The following PRDM16 variants were observed in gnomAD, a reference collection of about 807,000 sequenced individuals.
PRDM16 encodes PR/SET domain 16.
PRDM16 carries 23 observed loss-of-function variants against 110.6 expected under a neutral mutation model. That is an observed-to-expected ratio of 0.21 (90% CI 0.15 to 0.29). The LOEUF is 0.29. Ranked by LOEUF, PRDM16 falls within the 10% of genes least tolerant of loss-of-function variation. The probability of loss-of-function intolerance (pLI) is 1.00; values close to 1 mark genes in which losing one functional copy is unlikely to be tolerated. For synonymous variants in PRDM16, 799 were observed against 781.8 expected, an observed-to-expected ratio of 1.02 and a Z score of -0.37; for missense variants, 1,615 against 1,794.3, an observed-to-expected ratio of 0.90 and a Z score of 1.81.
chr1:3,362,563 A>T (rs1425619744), intron 3 of PRDM16, among the ~76,000 whole-genome samples: 1 of 152,152 alleles, frequency 6.6e-6, no homozygotes, highest in Non-Finnish European at 1.5e-5. Context: ...AACCAGTGGA[A>T]GACGGAGAAG....
intron 2 of PRDM16, among the ~76,000 whole-genome samples, chr1:3,227,892 A>G (rs1201814051): frequency 6.6e-6 from 1 of 151,902 alleles, no homozygotes; most frequent in Non-Finnish European, 1.5e-5. Context: ...CTCTTTTTCC[A>G]TCACGACAAG....
intron 3 of PRDM16, among the ~76,000 whole-genome samples, chr1:3,365,317 G>A (rs958183479): frequency 6.6e-6 from 1 of 152,204 alleles, no homozygotes; most frequent in Non-Finnish European, 1.5e-5. Flanking sequence ...ACGTGTGCCA[G>A]ATCTGGTTCC....
At chr1:3,345,726 CCG>C (rs1472318933) in intron 3 of PRDM16, among the ~76,000 whole-genome samples, 2 of 151,480 alleles carry the variant, frequency 1.3e-5, no homozygotes, top group Non-Finnish European at 2.9e-5. Flanking sequence ...TCGGGTCCTC[CCG>C]TGCTGCCCCC....
chr1:3,352,877 A>T (rs1200727494), intron 3 of PRDM16, among the ~76,000 whole-genome samples: 1 of 147,466 alleles, frequency 6.8e-6, no homozygotes, highest in Non-Finnish European at 1.5e-5. Context: ...TCTCGGTGGC[A>T]GTCAGGCCGC....
intron 3 of PRDM16, among the ~76,000 whole-genome samples, chr1:3,297,116 G>C (rs1641105800): frequency 6.6e-6 from 1 of 152,094 alleles, no homozygotes; most frequent in Non-Finnish European, 1.5e-5. Flanking sequence ...TGGGGTGTAG[G>C]AGCCCTAAGG....
chr1:3,181,656 G>A (rs866511007), intron 1 of PRDM16, among the ~76,000 whole-genome samples: 63 of 117,346 alleles, frequency 5.4e-4, no homozygotes, highest in East Asian at 1.4e-3. Flanking sequence ...TCTTACACAC[G>A]GTCTTACACA....
At position 3,412,619 on chromosome 1, in the gene PRDM16, G is replaced by A. The variant is rs761120771; in HGVS notation, c.2422G>A (p.Gly808Ser). The A allele has an allele frequency of 6.3e-6, 10 of 1,588,758 alleles. No homozygotes were observed. Among genetic ancestry groups the A allele is most frequent in the Admixed American group, 1.7e-5 (1 of 58,254 alleles). ...GGAGCAGCCGCTGGACCTGAGCATCGGCAGCCGGGCCCGTGCCAGCCAAAA... is the reference window on the plus strand; with the variant it reads ...GGAGCAGCCGCTGGACCTGAGCATCAGCAGCCGGGCCCGTGCCAGCCAAAA... ...GEEQPLDLSI[G>S]SRARASQNGG... The change falls in exon 9 of 17, where the codon GGC (glycine) becomes AGC (serine). Residue 808 changes from glycine (G) to serine (S), a missense_variant. Gly to Ser is a moderately conservative substitution (Grantham distance 56). Coordinates refer to ENST00000270722, the MANE Select transcript of PRDM16 (RefSeq NM_022114.4).
chr1:3,082,439 T>A (rs750617410), intron 1 of PRDM16, among the ~76,000 whole-genome samples: 7 of 151,978 alleles, frequency 4.6e-5, no homozygotes, highest in Non-Finnish European at 1.0e-4. Flanking sequence ...AAACCCAGGG[T>A]GAGGGACCTC....
chr1:3,256,075 T>C (rs1640039954), intron 3 of PRDM16, among the ~76,000 whole-genome samples: 1 of 152,202 alleles, frequency 6.6e-6, no homozygotes, highest in Admixed American at 6.5e-5. Flanking sequence ...CACCCCTTGC[T>C]TTTGCTGATG....
chr1:3,419,040 C>T (rs919073062), intron 12 of PRDM16, among the ~76,000 whole-genome samples: 1 of 152,162 alleles, frequency 6.6e-6, no homozygotes, highest in African/African-American at 2.4e-5. Context: ...GCAGGGGATC[C>T]TCATCAGAGC....
Position 3,104,733 on chromosome 1 carries a change from C to A in PRDM16, c.37+35437C>A, listed in dbSNP as rs113832435. Among the ~76,000 whole-genome samples the A allele has an allele frequency of 5.4e-5, 8 of 149,256 alleles. 1 individual carries two copies. Among genetic ancestry groups the A allele is most frequent in the South Asian group, 4.1e-4 (2 of 4,826 alleles). ...AGTGAAGTCTTCCTTGGAGCCCCCACCTCCCCACGTCACCTGGCCCTCGCT... is the reference window on the plus strand; with the variant it reads ...AGTGAAGTCTTCCTTGGAGCCCCCAACTCCCCACGTCACCTGGCCCTCGCT... On this transcript the variant is annotated intron_variant, in intron 1 of 16. Transcript: ENST00000270722.
At chr1:3,423,898 C>G (rs1024384793) in intron 12 of PRDM16, among the ~76,000 whole-genome samples, 4 of 152,262 alleles carry the variant, frequency 2.6e-5, no homozygotes, top group Admixed American at 2.6e-4. Context: ...ATCATATAAA[C>G]AGAATGTTCA....
intron 3 of PRDM16, among the ~76,000 whole-genome samples, chr1:3,373,798 G>T (rs950310876): frequency 6.6e-6 from 1 of 152,238 alleles, no homozygotes; most frequent in African/African-American, 2.4e-5. Flanking sequence ...CCCAGCCAAC[G>T]CGTGCTGCCC....
In PRDM16 at chr1:3,147,308, C is replaced by T. The variant is rs549848806; in HGVS notation, c.38-38817C>T. Among the ~76,000 whole-genome samples, 8 of 151,932 alleles carry T rather than the reference C, an allele frequency of 5.3e-5. No individual in the cohort carries two copies. The East Asian group carries it at 1.6e-3, about 30-fold the overall frequency. ...TTCTGGACTTAGAAGGAAAAGAAAGCCTTGAGGTCTGGGGTGTGTGACGTG... is the reference window on the plus strand; with the variant it reads ...TTCTGGACTTAGAAGGAAAAGAAAGTCTTGAGGTCTGGGGTGTGTGACGTG... On this transcript the variant is annotated intron_variant, in intron 1 of 16. Transcript: ENST00000270722.
chr1:3,427,053 C>T (rs374810568), intron 14 of PRDM16, among the ~76,000 whole-genome samples: 22 of 152,370 alleles, frequency 1.4e-4, no homozygotes, highest in South Asian at 4.1e-4. Flanking sequence ...ACATGCGTGA[C>T]GGACAGCCGT....
intron 1 of PRDM16, among the ~76,000 whole-genome samples, chr1:3,183,696 G>A (rs1462881611): frequency 6.6e-6 from 1 of 152,180 alleles, no homozygotes; most frequent in African/African-American, 2.4e-5. Flanking sequence ...CCCTTAAAGC[G>A]CTGATTTTCC....
chr1:3,113,480 A>G (rs1392873813), intron 1 of PRDM16, among the ~76,000 whole-genome samples: 53 of 117,286 alleles, frequency 4.5e-4, no homozygotes, highest in African/African-American at 1.7e-3. Flanking sequence ...GAAGGCTCGG[A>G]GGAAGGAGGG....
rs1364031074 is a variant in PRDM16, at chr1:3,426,233, A to G, written c.3284+8A>G. Reference sequence around the variant, plus strand: ...AACGCGAACAGAGAAACGGTAAGAAAACTATCGCGGGCTGGGGAAAGTCTG... The same window carrying G: ...AACGCGAACAGAGAAACGGTAAGAAGACTATCGCGGGCTGGGGAAAGTCTG... On this transcript the variant is annotated splice_region_variant and intron_variant, in intron 14 of 16. Transcript: ENST00000270722. 6.2e-7 allele frequency: 1 copy of G among 1,611,184 alleles called. No individual in the cohort carries two copies. Among genetic ancestry groups the G allele is most frequent in the East Asian group, 2.2e-5 (1 of 44,788 alleles).
chr1:3,178,717 C>T (rs191115094), intron 1 of PRDM16, among the ~76,000 whole-genome samples: 12 of 152,184 alleles, frequency 7.9e-5, no homozygotes, highest in African/African-American at 2.7e-4. Flanking sequence ...TTCCCAAACT[C>T]GAGGGCCCTG....
Sources: allele counts gnomAD v4.1 joint callset (sites outside exome capture counted in the v4.1 genomes callset), GRCh38; gene constraint gnomAD v4.1.1; transcripts MANE v1.5; gene names NCBI Gene and HGNC (gene_info 2026-07-23, HGNC 2026-07-21).